Variants in ADK observed in about 807,000 individuals in gnomAD.
ADK encodes the protein N6,N6-dimethyladenosine kinase.
Under a neutral mutation model 44.7 loss-of-function variants are expected in ADK, and 24 were observed. That is an observed-to-expected ratio of 0.54 (90% CI 0.39 to 0.76). ADK has a LOEUF of 0.76. Among genes scored for constraint, ADK ranks in the 30% least tolerant of loss-of-function variants. The pLI is 0.00. For synonymous variants in ADK, 128 were observed against 142.6 expected (o/e 0.90, Z 0.73); for missense variants, 321 against 425.1 (o/e 0.76, Z 2.15).
chr10:74,559,635 C>T (rs1850383852), intron 7 of ADK, among the ~76,000 whole-genome samples: 1 of 152,158 alleles, frequency 6.6e-6, no homozygotes, highest in East Asian at 1.9e-4. Context: ...GGGATTCTAC[C>T]AAATCATATT....
At chr10:74,333,864 G>A (rs189117072) in intron 4 of ADK, among the ~76,000 whole-genome samples, 34 of 152,206 alleles carry the variant, frequency 2.2e-4, no homozygotes, top group Non-Finnish European at 4.0e-4. Context: ...TGCAGAAAGG[G>A]ACACCAGGGA....
chr10:74,476,487 C>G (rs969826618), intron 6 of ADK, among the ~76,000 whole-genome samples: 8 of 149,000 alleles, frequency 5.4e-5, no homozygotes, highest in African/African-American at 2.0e-4. Flanking sequence ...AGCAAAACTC[C>G]ATCTCAAAAA....
intron 7 of ADK, among the ~76,000 whole-genome samples, chr10:74,550,544 T>C (rs1849997395): frequency 6.6e-6 from 1 of 152,092 alleles, no homozygotes; most frequent in Non-Finnish European, 1.5e-5. Context: ...CCTCCAGCAG[T>C]GATAGGAAAT....
At chr10:74,671,424 T>C (rs1339864158) in intron 10 of ADK, among the ~76,000 whole-genome samples, 1 of 152,128 alleles carries the variant, frequency 6.6e-6, no homozygotes, top group Non-Finnish European at 1.5e-5. Context: ...TCATGCCCAG[T>C]CTTAAATGAA....
chr10:74,684,040 C>T (rs959728594), intron 10 of ADK, among the ~76,000 whole-genome samples: 1 of 152,104 alleles, frequency 6.6e-6, no homozygotes, highest in Non-Finnish European at 1.5e-5. Context: ...GGGAAGAAGC[C>T]GGTTCTTAGC....
chr10:74,545,166 T>C (rs1589234861), intron 7 of ADK, among the ~76,000 whole-genome samples: 3 of 152,346 alleles, frequency 2.0e-5, no homozygotes, highest in Admixed American at 2.0e-4. Flanking sequence ...CCACAATTTA[T>C]TGAGAGCATA....
chr10:74,420,097 G>T (rs1476040940), intron 6 of ADK, among the ~76,000 whole-genome samples: 1 of 152,134 alleles, frequency 6.6e-6, no homozygotes, highest in South Asian at 2.1e-4. Flanking sequence ...CTGCCAGTAG[G>T]TAGATTATAT....
chr10:74,536,294 T>A (rs1849445539), intron 7 of ADK, among the ~76,000 whole-genome samples: 1 of 152,102 alleles, frequency 6.6e-6, no homozygotes, highest in Non-Finnish European at 1.5e-5. Context: ...GACCCCAGTA[T>A]TCCTTTTTTG....
At chr10:74,258,954 T>G (rs1192173444) in intron 3 of ADK, among the ~76,000 whole-genome samples, 1 of 142,640 alleles carries the variant, frequency 7.0e-6, no homozygotes, top group Non-Finnish European at 1.5e-5. Context: ...TGTGTTTTTT[T>G]TTTTTTTTTT....
chr10:74,465,964 T>C (rs1024652360), intron 6 of ADK, among the ~76,000 whole-genome samples: 2 of 152,184 alleles, frequency 1.3e-5, no homozygotes, highest in African/African-American at 4.8e-5. Context: ...TTATTGTTTG[T>C]ATTTTATAAT....
chr10:74,151,327 G>A lies in ADK; in HGVS notation c.49G>A (p.Ala17Thr). The A allele has an allele frequency of 6.5e-7, 1 of 1,549,622 alleles. No individual in the cohort carries two copies. The highest frequency in any genetic ancestry group is 8.7e-7 in the Non-Finnish European group (1 of 1,146,810). ...EPKPKKLKVE[A>T]PQALRENILF... ...GAAGCCCAAAAAGCTGAAGGTGGAG[G>A]CGCCGCAAGCGCTGAGGTGAGCGCT... The change falls in exon 1 of 11, where the codon GCG becomes ACG. Residue 17 changes from alanine (A) to threonine (T), a missense_variant. By Grantham distance (58) the Ala-to-Thr change is moderately conservative. Coordinates refer to ENST00000539909, the MANE Select transcript of ADK (RefSeq NM_006721.4).
chr10:74,168,994 G>A (rs1842099780), intron 1 of ADK, among the ~76,000 whole-genome samples: 1 of 152,130 alleles, frequency 6.6e-6, no homozygotes, highest in Non-Finnish European at 1.5e-5. Context: ...GGGAGGCTGA[G>A]GCAGGTGGAT....
intron 4 of ADK, among the ~76,000 whole-genome samples, chr10:74,335,889 C>T (rs941561892): frequency 1.3e-5 from 2 of 151,960 alleles, no homozygotes; most frequent in Admixed American, 6.6e-5. Flanking sequence ...ATTTTTGTTA[C>T]AGAGTTTTGA....
intron 6 of ADK, among the ~76,000 whole-genome samples, chr10:74,492,692 T>C (rs766927655): frequency 1.2e-4 from 19 of 152,210 alleles, no homozygotes; most frequent in Non-Finnish European, 2.2e-4. Flanking sequence ...CTGCTTATTT[T>C]GTAGAATGTA....
intron 4 of ADK, among the ~76,000 whole-genome samples, chr10:74,375,663 A>G (rs571192619): frequency 6.6e-6 from 1 of 152,148 alleles, no homozygotes; most frequent in African/African-American, 2.4e-5. Flanking sequence ...TTTTTTTTAA[A>G]CTGCTGGTCC....
chr10:74,251,916 T>G (rs1845666549), intron 3 of ADK, among the ~76,000 whole-genome samples: 1 of 139,578 alleles, frequency 7.2e-6, no homozygotes, highest in East Asian at 2.1e-4. Context: ...TTTTTTTTTT[T>G]GTCGACTCAC....
At chr10:74,478,643 G>T (rs967860928) in intron 6 of ADK, among the ~76,000 whole-genome samples, 7 of 152,026 alleles carry the variant, frequency 4.6e-5, no homozygotes, top group Non-Finnish European at 8.8e-5. Context: ...ATATTCCTTG[G>T]ATTATTTGTT....
At chr10:74,443,574 T>C (rs1845496672) in intron 6 of ADK, among the ~76,000 whole-genome samples, 1 of 152,190 alleles carries the variant, frequency 6.6e-6, no homozygotes, top group African/African-American at 2.4e-5. Flanking sequence ...TCCTAATAGA[T>C]ACAGGATTTC....
At chr10:74,389,740 G>T (rs557836553) in intron 4 of ADK, among the ~76,000 whole-genome samples, 2 of 152,198 alleles carry the variant, frequency 1.3e-5, no homozygotes, top group Admixed American at 6.5e-5. Flanking sequence ...TGAAATATTC[G>T]ATAGTAAAAG....
Sources: gnomAD v4.1 joint callset for allele counts (sites outside exome capture counted in the v4.1 genomes callset) on GRCh38, gnomAD v4.1.1 for gene constraint, MANE v1.5 for transcripts, NCBI Gene and HGNC (gene_info 2026-07-23, HGNC 2026-07-21) for gene names.